Variants in RBMS3 observed in about 807,000 individuals in gnomAD.
The protein encoded by RBMS3 is RNA-binding motif, single-stranded-interacting protein 3.
RBMS3 carries 27 observed loss-of-function variants against 66.8 expected under a neutral mutation model. The observed-to-expected ratio is 0.40, with a 90% CI of 0.30 to 0.56. The LOEUF (loss-of-function observed/expected upper bound fraction) is 0.56, where lower values mean the gene tolerates loss of function less well. Among genes scored for constraint, RBMS3 ranks in the 20% least tolerant of loss-of-function variants. The pLI, the probability that RBMS3 is intolerant of heterozygous loss-of-function variation, is 0.40. For missense variants in RBMS3, 513 were observed against 549.5 expected (o/e 0.93, Z 0.66); for synonymous variants, 188 against 183.0 (o/e 1.03, Z -0.22).
At chr3:29,605,018 A>G (rs1411969117) in intron 4 of RBMS3, among the ~76,000 whole-genome samples, 3 of 151,902 alleles carry the variant, frequency 2.0e-5, no homozygotes, top group South Asian at 4.1e-4. Flanking sequence ...TTCTTTATTC[A>G]TACACTACAA....
intron 6 of RBMS3, among the ~76,000 whole-genome samples, chr3:29,811,976 A>G (rs892005818): frequency 6.6e-6 from 1 of 152,174 alleles, no homozygotes; most frequent in Non-Finnish European, 1.5e-5. Context: ...TTTGGGCTCT[A>G]CATGTCAATC....
intron 5 of RBMS3, among the ~76,000 whole-genome samples, chr3:29,747,473 A>G (rs934514611): frequency 1.3e-5 from 2 of 152,114 alleles, no homozygotes; most frequent in African/African-American, 4.8e-5. Flanking sequence ...ATTATCCAAT[A>G]CTGGCTTGGT....
chr3:29,434,966 G>A, intron 2 of RBMS3, 51 bp downstream of exon 2: 3 of 1,549,168 alleles, frequency 1.9e-6, no homozygotes, highest in Non-Finnish European at 2.6e-6. Context: ...TACTTGCCTT[G>A]GTGGGCAGGA....
chr3:29,444,788 C>CTTTT (rs558839351), intron 2 of RBMS3, among the ~76,000 whole-genome samples: 9,268 of 50,370 alleles, frequency 0.18, 2,617 homozygotes, highest in Non-Finnish European at 0.26. Flanking sequence ...AAATATATGC[C>CTTTT]TTTTTTTTTT....
At chr3:29,309,820 T>C (rs1034481176) in intron 1 of RBMS3, among the ~76,000 whole-genome samples, 2 of 151,536 alleles carry the variant, frequency 1.3e-5, no homozygotes, top group Admixed American at 6.6e-5. Context: ...TTCAGGAAAA[T>C]AGTTTCAGCT....
chr3:29,567,343 C>T lies in RBMS3; in HGVS notation c.308-19771C>T, dbSNP rs935188902. On this transcript the variant is annotated intron_variant, in intron 3 of 14. Coordinates refer to ENST00000383767, the MANE Select transcript of RBMS3 (RefSeq NM_001003793.3). ...AGACTGTTCTTGGCACTGGAGCCCA[C>T]ATCCTGTCTCCATATGTAAAAATTG... Among the ~76,000 whole-genome samples the T allele has an allele frequency of 3.3e-5, 5 of 152,142 alleles. No homozygotes were observed. The South Asian group carries it at 8.3e-4, about 25-fold the overall frequency.
chr3:29,799,183 T>C (rs748987162), intron 6 of RBMS3, among the ~76,000 whole-genome samples: 1 of 152,136 alleles, frequency 6.6e-6, no homozygotes, highest in African/African-American at 2.4e-5. Flanking sequence ...AAGAGGGCCA[T>C]TGAAGAAATT....
At chr3:29,427,469 A>G (rs1016455281) in intron 1 of RBMS3, among the ~76,000 whole-genome samples, 1 of 152,220 alleles carries the variant, frequency 6.6e-6, no homozygotes, top group African/African-American at 2.4e-5. Context: ...TTCACACTAG[A>G]GGAGAGGTCT....
At chr3:29,568,434 T>G (rs1441787517) in intron 3 of RBMS3, among the ~76,000 whole-genome samples, 1 of 152,206 alleles carries the variant, frequency 6.6e-6, no homozygotes, top group Non-Finnish European at 1.5e-5. Context: ...TAGAATGTAT[T>G]TAAAACAAAC....
chr3:29,674,412 G>A (rs566422661), intron 4 of RBMS3, among the ~76,000 whole-genome samples: 15 of 152,214 alleles, frequency 9.9e-5, no homozygotes, highest in South Asian at 2.1e-4. Context: ...AGGGTAATCA[G>A]GCGGGAGAAA....
intron 1 of RBMS3, among the ~76,000 whole-genome samples, chr3:29,408,068 C>T (rs928955299): frequency 9.2e-5 from 14 of 151,696 alleles, no homozygotes; most frequent in Admixed American, 4.6e-4. Context: ...GTCAGGAGAT[C>T]GAGACCATCC....
At chr3:29,796,971 C>T (rs764603856) in intron 6 of RBMS3, among the ~76,000 whole-genome samples, 11 of 152,018 alleles carry the variant, frequency 7.2e-5, no homozygotes, top group Non-Finnish European at 1.0e-4. Flanking sequence ...CTCAGTCACC[C>T]GAAGTGCTGG....
Position 30,008,371 on chromosome 3 carries a change from T to G in RBMS3, c.*4509T>G, listed in dbSNP as rs1699861051. On this transcript the variant is annotated 3_prime_UTR_variant, in exon 15 of 15. Transcript: ENST00000383767. ...CAAGTGGGTTTCACTAATAAATGTTTTTTTATATGATTTGAAATCAAGTAA... is the reference window on the plus strand; with the variant it reads ...CAAGTGGGTTTCACTAATAAATGTTGTTTTATATGATTTGAAATCAAGTAA... The G allele has an allele frequency of 1.3e-5, 2 of 152,160 alleles. No individual in the cohort carries two copies. The highest frequency in any genetic ancestry group is 2.9e-5 in the Non-Finnish European group (2 of 67,992). 9.4% of individuals were successfully genotyped at this position (152,160 alleles called of 1,614,324 possible). A position where few individuals can be genotyped will look rare whatever the true frequency, so the allele number is the denominator to read the frequency against.
intron 5 of RBMS3, among the ~76,000 whole-genome samples, chr3:29,753,263 C>T (rs544756842): frequency 2.0e-5 from 3 of 152,170 alleles, no homozygotes; most frequent in South Asian, 2.1e-4. Flanking sequence ...TAAAATTGAA[C>T]GATCCCACTT....
intron 4 of RBMS3, among the ~76,000 whole-genome samples, chr3:29,702,782 A>G (rs1311146640): frequency 6.6e-6 from 1 of 152,298 alleles, no homozygotes; most frequent in Non-Finnish European, 1.5e-5. Context: ...CCACGAACCC[A>G]CCAGAAGGAA....
chr3:29,662,507 T>G (rs2050592838), intron 4 of RBMS3, among the ~76,000 whole-genome samples: 1 of 152,206 alleles, frequency 6.6e-6, no homozygotes, highest in East Asian at 1.9e-4. Context: ...GAGGTAAGCT[T>G]TGATGCATAC....
intron 4 of RBMS3, among the ~76,000 whole-genome samples, chr3:29,612,233 C>A (rs1263629611): frequency 6.6e-6 from 1 of 151,930 alleles, no homozygotes; most frequent in South Asian, 2.1e-4. Flanking sequence ...AGTGATTGCA[C>A]ATATATATAT....
intron 3 of RBMS3, among the ~76,000 whole-genome samples, chr3:29,546,875 G>A (rs2045972712): frequency 1.3e-5 from 2 of 152,132 alleles, no homozygotes; most frequent in Non-Finnish European, 1.5e-5. Flanking sequence ...CTGTAGACAT[G>A]GAATCTATCT....
chr3:29,354,540 CTATT>C (rs1229275830), intron 1 of RBMS3, among the ~76,000 whole-genome samples: 1 of 151,974 alleles, frequency 6.6e-6, no homozygotes, highest in East Asian at 1.9e-4. Flanking sequence ...ATATTCTTGA[CTATT>C]TGTATCCATG....
Sources: allele counts gnomAD v4.1 joint callset (sites outside exome capture counted in the v4.1 genomes callset), GRCh38; gene constraint gnomAD v4.1.1; transcripts MANE v1.5; gene names NCBI Gene and HGNC (gene_info 2026-07-23, HGNC 2026-07-21).